MYO9B: variants seen among roughly 807,000 people sequenced by gnomAD.
MYO9B encodes myosin IXB.
MYO9B carries 71 observed loss-of-function variants against 229.5 expected under a neutral mutation model. The observed-to-expected ratio is 0.31, with a 90% CI of 0.26 to 0.38. The LOEUF is 0.38. Ranked by LOEUF, MYO9B falls within the 10% of genes least tolerant of loss-of-function variation. The pLI, the probability that MYO9B is intolerant of heterozygous loss-of-function variation, is 1.00. For synonymous variants in MYO9B, 1,185 were observed against 1,235.8 expected (o/e 0.96, Z 0.86); for missense variants, 2,255 against 2,920.5 (o/e 0.77, Z 5.25).
At chr19:17,178,440 A>T (rs966295042) in intron 14 of MYO9B, 1 of 151,924 alleles carries the variant, frequency 6.6e-6, no homozygotes, top group African/African-American at 2.4e-5. Context: ...ACACGCCTAC[A>T]AGAAAAAATA....
At chr19:17,133,643 G>A (rs2072230333) in intron 2 of MYO9B, among the ~76,000 whole-genome samples, 1 of 151,994 alleles carries the variant, frequency 6.6e-6, no homozygotes, top group African/African-American at 2.4e-5. Flanking sequence ...GTAAAGATGG[G>A]GTGTCACTAT....
chr19:17,203,033 G>A (rs1016809181), intron 29 of MYO9B, 114 bp from the exon 30 acceptor site: 21 of 1,354,738 alleles, frequency 1.6e-5, no homozygotes, highest in South Asian at 2.7e-5. Context: ...CGGCATATAC[G>A]GAGCCGTAGT....
intron 2 of MYO9B, among the ~76,000 whole-genome samples, chr19:17,120,006 A>C (rs10402419): frequency 0.051 from 7,830 of 152,242 alleles, 681 homozygotes; most frequent in African/African-American, 0.17. Flanking sequence ...GCTACGAAAA[A>C]TACAAAAATT....
At position 17,172,698 on chromosome 19, in the gene MYO9B, CT is replaced by C; in HGVS notation, c.1936-58del. 2 of 1,589,228 alleles carry C rather than the reference CT, an allele frequency of 1.3e-6. No homozygotes were observed. Among genetic ancestry groups the C allele is most frequent in the Non-Finnish European group, 1.7e-6 (2 of 1,159,544 alleles). On this transcript the variant is annotated intron_variant, in intron 12 of 39. Coordinates refer to ENST00000682292, the MANE Select transcript of MYO9B (RefSeq NM_004145.4). The surrounding 1 kb of genome is among the most constrained non-coding windows in gnomAD (Gnocchi z 8.2). Reference sequence around the variant, plus strand: ...AGCCCTTCCTGCGCCAGCCCGGGGTCTTTGGTAGGCGCCGGTGAGTGACTAT... The same window carrying C: ...AGCCCTTCCTGCGCCAGCCCGGGGTCTTGGTAGGCGCCGGTGAGTGACTAT...
rs766379918 is a variant in MYO9B at position 17,102,356 on chromosome 19, A to G, written c.639A>G (p.Pro213=). 6.2e-7 allele frequency: 1 copy of G among 1,614,034 alleles called. No homozygotes were observed. The highest frequency in any genetic ancestry group is 8.5e-7 in the Non-Finnish European group (1 of 1,179,896). ...ACCAGCAGCTGGGCAAGCTGGAGCC[A>G]CACGTCTTCGCGCTGGCCGACGTGG... ...YENQQLGKLE[P]HVFALADVAY... is the part of the protein sequence containing the mutation. Residue 213 remains proline, a synonymous_variant, in exon 2 of 40, where the codon CCA becomes CCG. Coordinates refer to ENST00000682292, the MANE Select transcript of MYO9B (RefSeq NM_004145.4).
chr19:17,163,349 A>G (rs1347252022), intron 10 of MYO9B, among the ~76,000 whole-genome samples: 2 of 146,316 alleles, frequency 1.4e-5, no homozygotes, highest in African/African-American at 5.1e-5. Flanking sequence ...CCCTCTTGCA[A>G]GCCCTGAACT....
At chr19:17,176,880 A>G (rs2072795934) in intron 14 of MYO9B, among the ~76,000 whole-genome samples, 1 of 152,162 alleles carries the variant, frequency 6.6e-6, no homozygotes, top group Non-Finnish European at 1.5e-5. Flanking sequence ...GCACGCACCC[A>G]AGCATGTGCC....
In MYO9B at chr19:17,075,831, G is replaced by T. The variant is rs2057476026; in HGVS notation, c.-102G>T. 6.6e-6 allele frequency: 1 copy of T among 150,454 alleles called. No individual in the cohort carries two copies. Among genetic ancestry groups the T allele is most frequent in the Non-Finnish European group, 1.5e-5 (1 of 67,188 alleles). The allele number at this position is 150,454 out of a possible 1,614,324, so 9.3% of individuals were successfully genotyped here. ...CGGGCTGGCAGGCGGTCGTCCGGCC[G>T]GGGACCCGGCCCGGGACCGGCGGCG... is the stretch of plus-strand genomic sequence containing the variant. On this transcript the variant is annotated 5_prime_UTR_variant, in exon 1 of 40. Transcript: ENST00000682292.
At chr19:17,159,296 G>T in intron 7 of MYO9B, 99 bp from the exon 8 acceptor site, 2 of 1,116,622 alleles carry the variant, frequency 1.8e-6, no homozygotes, top group East Asian at 2.6e-5. Flanking sequence ...CCGTCTCCCA[G>T]CTGCCTCAGG....
Position 17,195,191 on chromosome 19 carries a change from C to T in MYO9B, c.3764C>T (p.Ala1255Val). ...CAGTTGGAGCGGCCGACCAGCCTGG[C>T]CCTGGACAGCAGGGTCAGCCCACCG... ...PGQLERPTSL[A>V]LDSRVSPPAP... is the part of the protein sequence containing the mutation. Residue 1255 changes from alanine (A) to valine (V), a missense_variant, in exon 22 of 40, where the codon GCC (alanine) becomes GTC (valine). By Grantham distance (64) the Ala-to-Val change is moderately conservative. This residue lies in a region of MYO9B where 679 missense variants were observed against 770.2 expected (regional missense o/e 0.88). Transcript: ENST00000682292. The surrounding 1 kb of genome is among the most constrained non-coding windows in gnomAD (Gnocchi z 4.5). 1 of 1,611,664 alleles carries T rather than the reference C, an allele frequency of 6.2e-7. No homozygotes were observed.
At chr19:17,116,261 CCA>C in intron 2 of MYO9B, among the ~76,000 whole-genome samples, 1 of 152,172 alleles carries the variant, frequency 6.6e-6, no homozygotes, top group Non-Finnish European at 1.5e-5. Context: ...ACCTGTGGGC[CCA>C]GAGTCACCGA....
chr19:17,094,899 C>T (rs1282554441), intron 1 of MYO9B, among the ~76,000 whole-genome samples: 1 of 151,906 alleles, frequency 6.6e-6, no homozygotes, highest in Admixed American at 6.6e-5. Flanking sequence ...GCCACAATTG[C>T]ACCACTGGAC....
At chr19:17,094,965 G>A (rs923615913) in intron 1 of MYO9B, among the ~76,000 whole-genome samples, 3 of 152,186 alleles carry the variant, frequency 2.0e-5, no homozygotes, top group East Asian at 1.9e-4. Context: ...TTGGCCAGGC[G>A]CAGTGGCTCA....
At position 17,162,413 on chromosome 19, in the gene MYO9B, C is replaced by T; in HGVS notation, c.1483C>T (p.Leu495=). ...CAGCGCCCTGTTCGACTGGATTGTGCTGCGGATCAACCACGCACTCCTCAA... is the reference window on the plus strand; with the variant it reads ...CAGCGCCCTGTTCGACTGGATTGTGTTGCGGATCAACCACGCACTCCTCAA... ...LYSALFDWIV[L]RINHALLNKK... The change falls in exon 9 of 40, where the codon CTG becomes TTG. Residue 495 remains leucine, a synonymous_variant. Coordinates refer to ENST00000682292, the MANE Select transcript of MYO9B (RefSeq NM_004145.4). 1.9e-6 allele frequency: 3 copies of T among 1,588,172 alleles called. No individual in the cohort carries two copies. The highest frequency in any genetic ancestry group is 2.3e-5 in the East Asian group (1 of 43,422).
intron 11 of MYO9B, 107 bp downstream of exon 11, chr19:17,168,171 CTTTTTA>C (rs995449167): frequency 7.6e-5 from 107 of 1,415,384 alleles, no homozygotes; most frequent in Admixed American, 4.5e-5. Context: ...CCAAGAGCGC[CTTTTTA>C]TTTTTGAGAC....
At chr19:17,160,456 G>A (rs2072585742) in intron 8 of MYO9B, among the ~76,000 whole-genome samples, 1 of 151,512 alleles carries the variant, frequency 6.6e-6, no homozygotes, top group African/African-American at 2.4e-5. Context: ...GAATATGTGG[G>A]GAAAAAAGCC....
intron 14 of MYO9B, chr19:17,180,621 A>C: frequency 4.8e-6 from 1 of 206,944 alleles, no homozygotes; most frequent in Non-Finnish European, 9.7e-6. Context: ...AAGTGCTGGG[A>C]TTACAGGTGT....
At chr19:17,188,123 G>A in intron 19 of MYO9B, 78 bp downstream of exon 19, 1 of 1,333,800 alleles carries the variant, frequency 7.5e-7, no homozygotes, top group Non-Finnish European at 1.0e-6. Flanking sequence ...AGAGCTCCTT[G>A]CTGGAGTGTA....
At chr19:17,185,564 A>AAAC (rs1464631376) in intron 17 of MYO9B, among the ~76,000 whole-genome samples, 1 of 150,660 alleles carries the variant, frequency 6.6e-6, no homozygotes, top group African/African-American at 2.5e-5. Flanking sequence ...AAAAAACAAA[A>AAAC]CAAAACAAAA....
Sources: allele counts gnomAD v4.1 joint callset (sites outside exome capture counted in the v4.1 genomes callset), GRCh38; gene constraint gnomAD v4.1.1; regional missense constraint gnomAD v4.1.1; non-coding constraint Gnocchi (gnomAD v3.1); transcripts MANE v1.5; gene names NCBI Gene and HGNC (gene_info 2026-07-23, HGNC 2026-07-21).